The following CCK variants were observed in gnomAD, a reference collection of about 807,000 sequenced individuals.
CCK encodes cholecystokinin triacontatriapeptide.
CCK carries 11 observed loss-of-function variants against 10.1 expected under a neutral mutation model. That is an observed-to-expected ratio of 1.09 (90% CI 0.69 to 1.81). The LOEUF is 1.81. CCK is among the 40% of genes most tolerant of loss of function. CCK has a pLI of 0.00. For synonymous variants in CCK, 83 were observed against 71.9 expected (o/e 1.15, Z -0.78); for missense variants, 137 against 159.9 (o/e 0.86, Z 0.77).
At chr3:42,265,119 G>C (rs894841651) in intron 2 of CCK, 150 bp downstream of exon 2, 2 of 150,596 alleles carry the variant, frequency 1.3e-5, no homozygotes, top group Non-Finnish European at 3.0e-5. Flanking sequence ...AGCTTAGTTC[G>C]CTTTGGGGAC....
At position 42,257,994 on chromosome 3, in the gene CCK, T is replaced by C; in HGVS notation, c.*104A>G. The stretch of plus-strand genomic sequence containing the variant: ...GAACTTAATAAATAGATACATACAA[T>C]GTCAAACTCCACAGACAATGAGTTA... On this transcript the variant is annotated 3_prime_UTR_variant, in exon 5 of 5. Transcript: ENST00000396169. 1 of 1,250,876 alleles carries C rather than the reference T, an allele frequency of 8.0e-7. No homozygotes were observed. The highest frequency in any genetic ancestry group is 1.1e-6 in the Non-Finnish European group (1 of 898,886). The allele number at this position is 1,250,876 out of a possible 1,614,324, so 77.5% of individuals were successfully genotyped here.
intron 4 of CCK, among the ~76,000 whole-genome samples, chr3:42,259,255 A>G (rs1711181396): frequency 6.6e-6 from 1 of 152,176 alleles, no homozygotes; most frequent in African/African-American, 2.4e-5. Context: ...AATGTAGATG[A>G]CTGGTTGATG....
intron 4 of CCK, chr3:42,262,888 T>C: frequency 5.7e-6 from 1 of 175,036 alleles, no homozygotes; most frequent in East Asian, 1.7e-4. Flanking sequence ...TCTTGTTGGG[T>C]AATAATTTGT....
intron 4 of CCK, among the ~76,000 whole-genome samples, chr3:42,259,504 A>G (rs1483315628): frequency 6.6e-6 from 1 of 152,230 alleles, no homozygotes; most frequent in African/African-American, 2.4e-5. Flanking sequence ...TCAATTAAAA[A>G]TGATATTCAG....
intron 3 of CCK, among the ~76,000 whole-genome samples, chr3:42,264,266 C>T (rs747456): frequency 0.29 from 44,021 of 152,114 alleles, 7,639 homozygotes; most frequent in Non-Finnish European, 0.4. Flanking sequence ...TCGAAAGCCC[C>T]GTGCATTTTA....
chr3:42,258,219 C>T lies in CCK; in HGVS notation c.227G>A (p.Arg76Gln), dbSNP rs370480453. The T allele has an allele frequency of 1.9e-5, 31 of 1,613,770 alleles. No individual in the cohort carries two copies. The African/African-American group carries it at 2.5e-4, about 13-fold the overall frequency. Residue 76 changes from arginine (R) to glutamine (Q), a missense_variant, in exon 5 of 5, where the codon CGA becomes CAA. Coordinates refer to ENST00000396169, the MANE Select transcript of CCK (RefSeq NM_000729.6). ...CTGCAGGTTCTTAACGATGGACATTCGTCCAGAAGGAGCTACAAGGAGCAG... is the reference window on the plus strand; with the variant it reads ...CTGCAGGTTCTTAACGATGGACATTTGTCCAGAAGGAGCTACAAGGAGCAG... ...IQQARKAPSG[R>Q]MSIVKNLQNL...
chr3:42,263,676 G>C, intron 3 of CCK, 44 bp from the exon 4 acceptor site: 1 of 1,474,286 alleles, frequency 6.8e-7, no homozygotes, highest in Non-Finnish European at 9.0e-7. Flanking sequence ...GAAAGGCTGG[G>C]CAACAGAGCT....
chr3:42,263,730 C>G, intron 3 of CCK, 98 bp from the exon 4 acceptor site: 1 of 1,438,802 alleles, frequency 7.0e-7, no homozygotes, highest in Non-Finnish European at 9.1e-7. Context: ...AGGACAAACA[C>G]AGGTGCTCCA....
At chr3:42,260,344 G>A (rs1711194130) in intron 4 of CCK, among the ~76,000 whole-genome samples, 1 of 152,112 alleles carries the variant, frequency 6.6e-6, no homozygotes, top group African/African-American at 2.4e-5. Flanking sequence ...CCATCCTTCT[G>A]CCTGCTGTGA....
chr3:42,263,647 G>A lies in CCK; in HGVS notation c.-2-15C>T, dbSNP rs755400301. On this transcript the variant is annotated splice_polypyrimidine_tract_variant and intron_variant, in intron 3 of 4. Transcript: ENST00000396169. ...GCTGTTCATGGCTGTAGCGAGCAAA[G>A]GAGGAGGGCGCGTTAACTGAAAGGC... 2.6e-5 allele frequency: 40 copies of A among 1,516,974 alleles called. No individual in the cohort carries two copies. Among genetic ancestry groups the A allele is most frequent in the Non-Finnish European group, 3.2e-5 (36 of 1,131,862 alleles). The allele number at this position is 1,516,974 out of a possible 1,614,324, so 94.0% of individuals were successfully genotyped here.
At chr3:42,263,768 G>A in intron 3 of CCK, 136 bp from the exon 4 acceptor site, 2 of 1,391,736 alleles carry the variant, frequency 1.4e-6, no homozygotes, top group Non-Finnish European at 1.9e-6. Flanking sequence ...CAAGCACGAG[G>A]GCTCGCCAAG....
Position 42,258,083 on chromosome 3 carries a change from T to C in CCK, c.*15A>G, listed in dbSNP as rs767316945. 52 of 1,604,860 alleles carry C rather than the reference T, an allele frequency of 3.2e-5. No individual in the cohort carries two copies. Among genetic ancestry groups the C allele is most frequent in the Non-Finnish European group, 4.2e-5 (50 of 1,176,732 alleles). On this transcript the variant is annotated 3_prime_UTR_variant, in exon 5 of 5. Transcript: ENST00000396169. ...GGGAGGTTGCTTCCCGTTGGGCTGA[T>C]GGCGGCTGGGTCCTCTAGGAGGGGT... is the stretch of plus-strand genomic sequence containing the variant.
chr3:42,262,096 C>A (rs1711222771), intron 4 of CCK, among the ~76,000 whole-genome samples: 1 of 152,140 alleles, frequency 6.6e-6, no homozygotes, highest in African/African-American at 2.4e-5. Flanking sequence ...CATCTTATCC[C>A]TCTCTGGTCA....
chr3:42,263,688 C>T, intron 3 of CCK, 56 bp from the exon 4 acceptor site: 1 of 1,460,608 alleles, frequency 6.8e-7, no homozygotes, highest in East Asian at 2.5e-5. Context: ...AACAGAGCTC[C>T]TGCGGCGGGC....
rs541502935 is a variant in CCK, at chr3:42,259,053, G to A, written c.215-822C>T. Among the ~76,000 whole-genome samples the A allele has an allele frequency of 7.9e-5, 12 of 152,266 alleles. No homozygotes were observed. In the East Asian group the frequency reaches 2.1e-3, roughly 27 times the overall value. ...AAGGATGCGTTCATGTCCTTTGCAG[G>A]GACATGGATGAAGCTGGAAACCATC... On this transcript the variant is annotated intron_variant, in intron 4 of 4. Transcript: ENST00000396169.
At position 42,265,426 on chromosome 3, in the gene CCK, C is replaced by G. The variant is rs1331571780; in HGVS notation, c.-371G>C. ...AGCTGGCTCTTGGTGTCCTGGGCCT[C>G]TCTTGACGCAGCTGTAAAATGCGGA... On this transcript the variant is annotated 5_prime_UTR_variant, in exon 2 of 5. Coordinates refer to ENST00000396169, the MANE Select transcript of CCK (RefSeq NM_000729.6). 6.6e-6 allele frequency: 1 copy of G among 152,340 alleles called. No homozygotes were observed. Among genetic ancestry groups the G allele is most frequent in the East Asian group, 1.9e-4 (1 of 5,182 alleles). The allele number at this position is 152,340 out of a possible 1,614,324, so 9.4% of individuals were successfully genotyped here. A position where few individuals can be genotyped will look rare whatever the true frequency, so the allele number is the denominator to read the frequency against.
At chr3:42,262,958 G>C (rs1711236987) in intron 4 of CCK, 2 of 204,494 alleles carry the variant, frequency 9.8e-6, no homozygotes, top group South Asian at 1.6e-4. Context: ...TACATACTTT[G>C]GTGGAAATGG....
chr3:42,266,041 C>T lies in CCK; in HGVS notation c.-740G>A, dbSNP rs1210156090. On this transcript the variant is annotated 5_prime_UTR_variant, in exon 1 of 5. Coordinates refer to ENST00000396169, the MANE Select transcript of CCK (RefSeq NM_000729.6). Reference sequence around the variant, plus strand: ...TGCACCGAGGCCGCCCAGCCTGGGACCTGGAGATCACCAGGCCTTGAACCT... The same window carrying T: ...TGCACCGAGGCCGCCCAGCCTGGGATCTGGAGATCACCAGGCCTTGAACCT... 6.6e-6 allele frequency: 1 copy of T among 152,368 alleles called. No homozygotes were observed. The highest frequency in any genetic ancestry group is 6.5e-5 in the Admixed American group (1 of 15,288). 9.4% of individuals were successfully genotyped at this position (152,368 alleles called of 1,614,324 possible).
At position 42,263,564 on chromosome 3, in the gene CCK, C is replaced by A; in HGVS notation, c.67G>T (p.Val23Leu). Residue 23 changes from valine (V) to leucine (L), a missense_variant, in exon 4 of 5, where the codon GTG becomes TTG. Val to Leu is a conservative substitution (Grantham distance 32, BLOSUM62 1). Coordinates refer to ENST00000396169, the MANE Select transcript of CCK (RefSeq NM_000729.6). ...GAGCCCGCGGGATCTGCGGGAGGCA[C>A]CGGCTGCGTCAGGGCGCCAGCCGCC... ...VLAAGALTQP[V>L]PPADPAGSGL... The A allele has an allele frequency of 1.9e-6, 3 of 1,608,458 alleles. No homozygotes were observed. The highest frequency in any genetic ancestry group is 2.2e-5 in the East Asian group (1 of 44,664).
Sources: allele counts gnomAD v4.1 joint callset (sites outside exome capture counted in the v4.1 genomes callset), GRCh38; gene constraint gnomAD v4.1.1; transcripts MANE v1.5; gene names NCBI Gene and HGNC (gene_info 2026-07-23, HGNC 2026-07-21).